Variants in FAM171A1 observed in about 807,000 individuals in gnomAD.
FAM171A1 encodes the protein family with sequence similarity 171 member A1.
In FAM171A1, 23 loss-of-function variants were observed where a neutral mutation model predicts 74.9. That is an observed-to-expected ratio of 0.31 (90% CI 0.22 to 0.44). FAM171A1 has a LOEUF of 0.44. FAM171A1 is among the 20% of genes least tolerant of loss of function. The pLI, the probability that FAM171A1 is intolerant of heterozygous loss-of-function variation, is 1.00. For synonymous variants in FAM171A1, 527 were observed against 505.7 expected (o/e 1.04, Z -0.57); for missense variants, 1,162 against 1,159.2 (o/e 1.00, Z -0.03).
intron 5 of FAM171A1, among the ~76,000 whole-genome samples, chr10:15,229,402 C>CTCATCATCA (rs928252098): frequency 6.6e-6 from 1 of 151,916 alleles, no homozygotes; most frequent in Non-Finnish European, 1.5e-5. Flanking sequence ...ATGGCAAACA[C>CTCATCATCA]TCATCATCAT....
intron 1 of FAM171A1, among the ~76,000 whole-genome samples, chr10:15,313,640 G>A (rs766350185): frequency 6.6e-6 from 1 of 152,190 alleles, no homozygotes; most frequent in Non-Finnish European, 1.5e-5. Flanking sequence ...AGTTTTTGCA[G>A]ATTTCCAAGT....
At chr10:15,341,371 G>C (rs1835762456) in intron 1 of FAM171A1, among the ~76,000 whole-genome samples, 3 of 152,182 alleles carry the variant, frequency 2.0e-5, no homozygotes, top group Admixed American at 2.0e-4. Flanking sequence ...GCCGCTCTCT[G>C]TCTAAATCAC....
At chr10:15,323,432 GA>G (rs1171929920) in intron 1 of FAM171A1, among the ~76,000 whole-genome samples, 1 of 152,122 alleles carries the variant, frequency 6.6e-6, no homozygotes, top group Admixed American at 6.6e-5. Flanking sequence ...CAGCCTGGGC[GA>G]CAAGAGCAAG....
chr10:15,245,946 G>A (rs1487119858), intron 5 of FAM171A1, among the ~76,000 whole-genome samples: 1 of 152,210 alleles, frequency 6.6e-6, no homozygotes, highest in East Asian at 1.9e-4. Flanking sequence ...CACTTCCTCT[G>A]TGTTTTTCTT....
At chr10:15,238,028 C>A (rs908127804) in intron 5 of FAM171A1, among the ~76,000 whole-genome samples, 1 of 152,048 alleles carries the variant, frequency 6.6e-6, no homozygotes, top group Non-Finnish European at 1.5e-5. Flanking sequence ...TATTCTTTTT[C>A]AAAAAATAAA....
At chr10:15,322,669 C>T (rs116805430) in intron 1 of FAM171A1, among the ~76,000 whole-genome samples, 92 of 152,342 alleles carry the variant, frequency 6.0e-4, no homozygotes, top group African/African-American at 2.1e-3. Flanking sequence ...AGCAAGGAAG[C>T]TGTCCACCAA....
intron 1 of FAM171A1, among the ~76,000 whole-genome samples, chr10:15,369,038 C>A (rs1056159146): frequency 6.6e-6 from 1 of 152,090 alleles, no homozygotes; most frequent in Non-Finnish European, 1.5e-5. Context: ...GATACTTGAT[C>A]TCCCACTCCA....
intron 1 of FAM171A1, among the ~76,000 whole-genome samples, chr10:15,327,844 A>G (rs1388752076): frequency 6.6e-6 from 1 of 151,990 alleles, no homozygotes; most frequent in Non-Finnish European, 1.5e-5. Flanking sequence ...CTGGGTGACA[A>G]AATTATCTGC....
rs146295307 is a variant in FAM171A1, at chr10:15,342,395, C to T, written c.97+28561G>A. On this transcript the variant is annotated intron_variant, in intron 1 of 7. Transcript: ENST00000378116. ...GACCAGCCTGGCCAATATGGCGAAA[C>T]CCTGTCTCTACTAAAAATAAAAAAA... Among the ~76,000 whole-genome samples, 695 of 152,254 alleles carry T rather than the reference C, an allele frequency of 4.6e-3. 5 individuals are homozygous for T. The highest frequency in any genetic ancestry group is 0.016 in the African/African-American group (666 of 41,528).
chr10:15,213,266 C>T lies in FAM171A1; in HGVS notation c.2322G>A (p.Gln774=). Residue 774 remains glutamine, a synonymous_variant, in exon 8 of 8, where the codon CAG becomes CAA. Transcript: ENST00000378116. The surrounding 1 kb of genome is among the most constrained non-coding windows in gnomAD (Gnocchi z 6.8). Reference sequence around the variant, plus strand: ...TGCTGTCTGGGGCTCGAGGCTCTTTCTGCTGGTGCTCTTGGACGGGCGGGT... The same window carrying T: ...TGCTGTCTGGGGCTCGAGGCTCTTTTTGCTGGTGCTCTTGGACGGGCGGGT... ...QNYPPVQEHQ[Q]KEPRAPDSTA... is the part of the protein sequence containing the mutation. 3 of 1,614,144 alleles carry T rather than the reference C, an allele frequency of 1.9e-6. No individual in the cohort carries two copies. Among genetic ancestry groups the T allele is most frequent in the Non-Finnish European group, 2.5e-6 (3 of 1,180,038 alleles).
At chr10:15,263,933 GTCCATCCA>G (rs900054585) in intron 3 of FAM171A1, among the ~76,000 whole-genome samples, 3 of 149,744 alleles carry the variant, frequency 2.0e-5, no homozygotes, top group Non-Finnish European at 4.4e-5. Context: ...CCGTCCGTCC[GTCCATCCA>G]TCCATCCAAC....
chr10:15,343,788 G>A (rs1403056756), intron 1 of FAM171A1, among the ~76,000 whole-genome samples: 1 of 152,022 alleles, frequency 6.6e-6, no homozygotes, highest in East Asian at 1.9e-4. Context: ...CTCCAGCCTG[G>A]ACGAGAGAGC....
chr10:15,319,423 C>T (rs536030769), intron 1 of FAM171A1, among the ~76,000 whole-genome samples: 1 of 151,590 alleles, frequency 6.6e-6, no homozygotes, highest in Non-Finnish European at 1.5e-5. Flanking sequence ...GAACAATAGT[C>T]CAGGGATTTT....
intron 1 of FAM171A1, among the ~76,000 whole-genome samples, chr10:15,297,631 A>T (rs1835176765): frequency 6.6e-6 from 1 of 152,232 alleles, no homozygotes; most frequent in Non-Finnish European, 1.5e-5. Flanking sequence ...GAAGTTCAGC[A>T]ATTAAAGAGA....
chr10:15,359,160 G>A (rs548268459), intron 1 of FAM171A1, among the ~76,000 whole-genome samples: 1 of 152,316 alleles, frequency 6.6e-6, no homozygotes, highest in South Asian at 2.1e-4. Context: ...GGTGAATGAA[G>A]CTGAGAGTGC....
At chr10:15,282,876 G>A (rs925678927) in intron 2 of FAM171A1, among the ~76,000 whole-genome samples, 3 of 151,992 alleles carry the variant, frequency 2.0e-5, no homozygotes, top group Admixed American at 6.6e-5. Context: ...CCTGTCTCAG[G>A]CCCACTGTCC....
intron 1 of FAM171A1, among the ~76,000 whole-genome samples, chr10:15,303,900 G>A (rs756018075): frequency 2.4e-4 from 37 of 152,218 alleles, no homozygotes; most frequent in Non-Finnish European, 4.4e-4. Context: ...AAGAGATTAA[G>A]TCAAGTCCTA....
intron 1 of FAM171A1, among the ~76,000 whole-genome samples, chr10:15,311,316 G>T (rs948940007): frequency 6.6e-6 from 1 of 152,078 alleles, no homozygotes; most frequent in Non-Finnish European, 1.5e-5. Flanking sequence ...GTCTATTTTT[G>T]CATTTGACAT....
At chr10:15,273,764 A>G (rs1834858058) in intron 3 of FAM171A1, among the ~76,000 whole-genome samples, 1 of 152,240 alleles carries the variant, frequency 6.6e-6, no homozygotes, top group South Asian at 2.1e-4. Flanking sequence ...CATCACATAA[A>G]CAGAACCAAA....
Sources: gnomAD v4.1 joint callset for allele counts (sites outside exome capture counted in the v4.1 genomes callset) on GRCh38, gnomAD v4.1.1 for gene constraint, Gnocchi (gnomAD v3.1) non-coding constraint, MANE v1.5 for transcripts, NCBI Gene and HGNC (gene_info 2026-07-23, HGNC 2026-07-21) for gene names.